AGAP1: variants seen among roughly 807,000 people sequenced by gnomAD.
AGAP1 encodes ArfGAP with GTPase domain, ankyrin repeat and PH domain 1, also known as arf-GAP with GTPase, ANK repeat and PH domain-containing protein 1.
In AGAP1, 29 loss-of-function variants were observed where a neutral mutation model predicts 105.3. The observed-to-expected ratio is 0.28, with a 90% confidence interval of 0.21 to 0.38. The LOEUF is 0.38. AGAP1 is among the 10% of genes least tolerant of loss of function. The probability of loss-of-function intolerance (pLI) is 1.00; values close to 1 mark genes in which losing one functional copy is unlikely to be tolerated. For missense variants in AGAP1, 998 were observed against 1,165.1 expected (o/e 0.86, Z 2.09); for synonymous variants, 509 against 485.9 (o/e 1.05, Z -0.63).
chr2:235,907,688 G>A lies in AGAP1; in HGVS notation c.1156-1050G>A, dbSNP rs913506625. Among the ~76,000 whole-genome samples the A allele has an allele frequency of 3.3e-5, 5 of 152,120 alleles. No individual in the cohort carries two copies. In the South Asian group the frequency reaches 1.0e-3, roughly 31 times the overall value. ...GCTCCAGGACCCTCCAGAATACCAA[G>A]ATCCTCAGATGCTCAAGTTCCTTAT... On this transcript the variant is annotated intron_variant, in intron 10 of 17. Transcript: ENST00000304032.
rs1231777895 is a variant in AGAP1 at position 235,866,926 on chromosome 2, AAT to A, written c.1051-16417_1051-16416del. Reference sequence around the variant, plus strand: ...TTGCTCTGTAAAGGCCCTGACTCCAAATAGAGTCACATCGTGAGTGCTGGGCG... The same window carrying A: ...TTGCTCTGTAAAGGCCCTGACTCCAAAGAGTCACATCGTGAGTGCTGGGCG... On this transcript the variant is annotated intron_variant, in intron 9 of 17. Coordinates refer to ENST00000304032, the MANE Select transcript of AGAP1 (RefSeq NM_001037131.3). This position sits in a 1 kb window ranked among gnomAD's most constrained non-coding sequence, Gnocchi z 6.1. 2.0e-5 allele frequency among the ~76,000 whole-genome samples: 3 copies of A among 152,332 alleles called. No homozygotes were observed. Among genetic ancestry groups the A allele is most frequent in the African/African-American group, 7.2e-5 (3 of 41,578 alleles).
At chr2:235,593,323 A>G (rs1473355943) in intron 1 of AGAP1, among the ~76,000 whole-genome samples, 2 of 152,222 alleles carry the variant, frequency 1.3e-5, no homozygotes, top group African/African-American at 2.4e-5. Context: ...CTTAGGAAAC[A>G]AAAGTGGAAC....
chr2:235,501,300 G>C (rs762793008), intron 1 of AGAP1, among the ~76,000 whole-genome samples: 2 of 152,086 alleles, frequency 1.3e-5, no homozygotes, highest in Admixed American at 6.5e-5. Context: ...GTGGTTTTGC[G>C]GATTTTCCTT....
At position 235,991,896 on chromosome 2, in the gene AGAP1, CG is replaced by C. The variant is rs1196258743; in HGVS notation, c.1645+23277del. ...TGTAATGTCTTCTTGAATTGTGAGTCGGGGAAAAAAGTAAAAGATTCGCTAC... is the reference window on the plus strand; with the variant it reads ...TGTAATGTCTTCTTGAATTGTGAGTCGGGAAAAAAGTAAAAGATTCGCTAC... On this transcript the variant is annotated intron_variant, in intron 13 of 17. Coordinates refer to ENST00000304032, the MANE Select transcript of AGAP1 (RefSeq NM_001037131.3). 3.3e-5 allele frequency among the ~76,000 whole-genome samples: 5 copies of C among 152,124 alleles called. No homozygotes were observed. In the East Asian group the frequency reaches 9.7e-4, roughly 29 times the overall value.
chr2:236,058,819 A>G lies in AGAP1; in HGVS notation c.2114+9538A>G, dbSNP rs2058113507. On this transcript the variant is annotated intron_variant, in intron 16 of 17. Transcript: ENST00000304032. This position sits in a 1 kb window ranked among gnomAD's most constrained non-coding sequence, Gnocchi z 4.6. ...CATAATCTTTTATGTGGAAAATCCT[A>G]AGGAACCCATAAGAAACATGTTAAG... 6.6e-6 allele frequency among the ~76,000 whole-genome samples: 1 copy of G among 152,192 alleles called. No individual in the cohort carries two copies. Among genetic ancestry groups the G allele is most frequent in the Non-Finnish European group, 1.5e-5 (1 of 68,042 alleles).
chr2:235,748,879 G>A (rs1953187044), intron 5 of AGAP1, among the ~76,000 whole-genome samples: 1 of 152,156 alleles, frequency 6.6e-6, no homozygotes, highest in South Asian at 2.1e-4. Context: ...TGGCATAAGA[G>A]CCTTCAAGCC....
chr2:235,946,400 C>T (rs983988988), intron 12 of AGAP1, among the ~76,000 whole-genome samples: 5 of 151,278 alleles, frequency 3.3e-5, no homozygotes, highest in Admixed American at 6.6e-5. Flanking sequence ...ATACTCCTGA[C>T]CTCAGGTGAT....
In AGAP1 at chr2:236,057,454, A is replaced by G. The variant is rs1400352474; in HGVS notation, c.2114+8173A>G. Among the ~76,000 whole-genome samples the G allele has an allele frequency of 5.9e-5, 9 of 152,286 alleles. No individual in the cohort carries two copies. The East Asian group carries it at 1.5e-3, about 26-fold the overall frequency. On this transcript the variant is annotated intron_variant, in intron 16 of 17. Coordinates refer to ENST00000304032, the MANE Select transcript of AGAP1 (RefSeq NM_001037131.3). ...ACACAGCCATGATTCTAAAGTCTTA[A>G]TTCTCTTCCATCAGTGCTAATCCTA...
rs2058576412 is a variant in AGAP1, at chr2:236,074,121, T to C, written c.2114+24840T>C. Among the ~76,000 whole-genome samples the C allele has an allele frequency of 2.0e-5, 3 of 152,196 alleles. 1 individual carries two copies. In the South Asian group the frequency reaches 6.2e-4, roughly 31 times the overall value. On this transcript the variant is annotated intron_variant, in intron 16 of 17. Coordinates refer to ENST00000304032, the MANE Select transcript of AGAP1 (RefSeq NM_001037131.3). ...ACAGTTTGCATGAGAGGTTTCTCCA[T>C]TGCATACCAGCTGACTCTGAGGAGC... is the stretch of plus-strand genomic sequence containing the variant.
intron 6 of AGAP1, among the ~76,000 whole-genome samples, chr2:235,765,356 G>A (rs2149809445): frequency 6.6e-6 from 1 of 152,148 alleles, no homozygotes; most frequent in South Asian, 2.1e-4. Context: ...GCCCGTGGCA[G>A]CTGCTTTGCT....
intron 10 of AGAP1, among the ~76,000 whole-genome samples, chr2:235,885,275 T>C (rs1191629903): frequency 1.3e-5 from 2 of 152,230 alleles, no homozygotes; most frequent in Non-Finnish European, 2.9e-5. Flanking sequence ...TCAAGAAATA[T>C]ACTTGTACAC....
intron 1 of AGAP1, among the ~76,000 whole-genome samples, chr2:235,563,041 C>A (rs1469945264): frequency 6.6e-6 from 1 of 152,078 alleles, no homozygotes; most frequent in Non-Finnish European, 1.5e-5. Flanking sequence ...CAGAACAAGA[C>A]CCTATCTCAA....
rs1010619188 is a variant in AGAP1, at chr2:236,114,174, A to T, written c.2115-6018A>T. Among the ~76,000 whole-genome samples, 1 of 152,060 alleles carries T rather than the reference A, an allele frequency of 6.6e-6. No homozygotes were observed. The highest frequency in any genetic ancestry group is 1.5e-5 in the Non-Finnish European group (1 of 68,006). On this transcript the variant is annotated intron_variant, in intron 16 of 17. Coordinates refer to ENST00000304032, the MANE Select transcript of AGAP1 (RefSeq NM_001037131.3). The surrounding 1 kb of genome is among the most constrained non-coding windows in gnomAD (Gnocchi z 5.0). ...GGTGATCCTCCCGGGGATTGGAATG[A>T]GGGGAGGTGATCTACTGCCGGCTGC... is the stretch of plus-strand genomic sequence containing the variant.
intron 6 of AGAP1, among the ~76,000 whole-genome samples, chr2:235,759,394 C>G (rs1395436130): frequency 6.6e-6 from 1 of 151,852 alleles, no homozygotes; most frequent in South Asian, 2.1e-4. Flanking sequence ...TGGTCTTGAT[C>G]TCCTGACCTC....
At chr2:235,545,716 C>A (rs1943602090) in intron 1 of AGAP1, among the ~76,000 whole-genome samples, 1 of 152,210 alleles carries the variant, frequency 6.6e-6, no homozygotes, top group Non-Finnish European at 1.5e-5. Flanking sequence ...AGTCCTCTTT[C>A]CCTCCTGTCA....
rs1231639824 is a variant in AGAP1 at position 235,736,895 on chromosome 2, G to A, written c.311-4068G>A. On this transcript the variant is annotated intron_variant, in intron 3 of 17. Transcript: ENST00000304032. The surrounding 1 kb of genome is among the most constrained non-coding windows in gnomAD (Gnocchi z 5.5). ...CAATGAAAAATCTAATGACTGGGAT[G>A]AGATCTGATGAAATGGTAGGTTGAA... Among the ~76,000 whole-genome samples the A allele has an allele frequency of 6.6e-6, 1 of 152,228 alleles. No individual in the cohort carries two copies. The highest frequency in any genetic ancestry group is 1.5e-5 in the Non-Finnish European group (1 of 68,038).
At chr2:235,541,376 CTTTTTTTTTT>C (rs556785424) in intron 1 of AGAP1, among the ~76,000 whole-genome samples, 17 of 91,104 alleles carry the variant, frequency 1.9e-4, no homozygotes, top group Non-Finnish European at 3.4e-4. Context: ...CATTCTTATT[CTTTTTTTTTT>C]TTTTTTTTTT....
At chr2:235,785,006 C>A (rs1002622320) in intron 6 of AGAP1, among the ~76,000 whole-genome samples, 3 of 152,190 alleles carry the variant, frequency 2.0e-5, no homozygotes, top group Admixed American at 2.0e-4. Flanking sequence ...TATAATTCAA[C>A]CTGTGTGTCA....
chr2:235,760,208 C>A (rs1954321684), intron 6 of AGAP1, among the ~76,000 whole-genome samples: 1 of 152,124 alleles, frequency 6.6e-6, no homozygotes, highest in Non-Finnish European at 1.5e-5. Context: ...TGCCGAAACC[C>A]CCCTCTCTAA....
Sources: allele counts gnomAD v4.1 joint callset (sites outside exome capture counted in the v4.1 genomes callset), GRCh38; gene constraint gnomAD v4.1.1; non-coding constraint Gnocchi (gnomAD v3.1); transcripts MANE v1.5; gene names NCBI Gene and HGNC (gene_info 2026-07-23, HGNC 2026-07-21).